Variants in FAM135B observed in about 807,000 individuals in gnomAD.
FAM135B encodes family with sequence similarity 135 member B.
A neutral mutation model predicts 127.7 loss-of-function variants in FAM135B; 43 were observed. The observed-to-expected ratio is 0.34, with a 90% CI of 0.26 to 0.43. FAM135B has a LOEUF of 0.43. Among genes scored for constraint, FAM135B ranks in the 20% least tolerant of loss-of-function variants. The pLI is 1.00. For missense variants in FAM135B, 1,558 were observed against 1,725.6 expected (o/e 0.90, Z 1.72); for synonymous variants, 670 against 665.1 (o/e 1.01, Z -0.11).
intron 1 of FAM135B, among the ~76,000 whole-genome samples, chr8:138,403,966 G>A (rs1833303289): frequency 6.6e-6 from 1 of 152,134 alleles, no homozygotes; most frequent in Non-Finnish European, 1.5e-5. Context: ...GAATAGGGAA[G>A]TACTTGCACA....
chr8:138,352,863 C>T (rs183120758), intron 2 of FAM135B, among the ~76,000 whole-genome samples: 67 of 152,290 alleles, frequency 4.4e-4, no homozygotes, highest in Admixed American at 2.4e-3. Context: ...TCAGAAACTA[C>T]TCATCAATAG....
intron 6 of FAM135B, among the ~76,000 whole-genome samples, chr8:138,246,507 T>C (rs1175999700): frequency 6.6e-6 from 1 of 152,146 alleles, no homozygotes; most frequent in Non-Finnish European, 1.5e-5. Flanking sequence ...CTCTACTTGA[T>C]GTTGAGCCTG....
Position 138,291,474 on chromosome 8 carries a change from A to G in FAM135B, c.157+19367T>C, listed in dbSNP as rs190548839. On this transcript the variant is annotated intron_variant, in intron 3 of 19. Transcript: ENST00000395297. ...CCAGCATTACCTTGATACCAAAACA[A>G]GATAAGGCCATCCAAGAAAAAAATA... Among the ~76,000 whole-genome samples, 656 of 152,314 alleles carry G rather than the reference A, an allele frequency of 4.3e-3. 5 individuals carry two copies. The highest frequency in any genetic ancestry group is 6.9e-3 in the Non-Finnish European group (469 of 68,024).
rs62527850 is a variant in FAM135B at position 138,474,917 on chromosome 8, A to G, written c.-20+21754T>C. On this transcript the variant is annotated intron_variant, in intron 1 of 19. Transcript: ENST00000395297. ...GCAGTAAATGAATAAAGTAATTCAC[A>G]TACTACTAATCCTTAACCACCCGGT... Among the ~76,000 whole-genome samples the G allele has an allele frequency of 3.4e-4, 52 of 152,248 alleles. 1 individual carries two copies. The highest frequency in any genetic ancestry group is 1.2e-3 in the African/African-American group (51 of 41,572).
chr8:138,388,752 T>C (rs1299436693), intron 1 of FAM135B, among the ~76,000 whole-genome samples: 2 of 152,130 alleles, frequency 1.3e-5, no homozygotes, highest in Admixed American at 1.3e-4. Context: ...TAGGAAGCAG[T>C]GAACAGGCAG....
intron 1 of FAM135B, among the ~76,000 whole-genome samples, chr8:138,434,488 G>T (rs1373586793): frequency 3.9e-5 from 6 of 152,158 alleles, no homozygotes. Context: ...TTGGCTTGGG[G>T]TCACACAGCT....
chr8:138,283,546 A>G (rs1824439275), intron 3 of FAM135B, among the ~76,000 whole-genome samples: 2 of 152,142 alleles, frequency 1.3e-5, no homozygotes, highest in Non-Finnish European at 2.9e-5. Context: ...ATGTGTCATT[A>G]CATATTTGTG....
In FAM135B at chr8:138,151,688, G is replaced by A. The variant is rs756694156; in HGVS notation, c.2787C>T (p.Leu929=). The A allele has an allele frequency of 1.9e-6, 3 of 1,614,094 alleles. No homozygotes were observed. Among genetic ancestry groups the A allele is most frequent in the African/African-American group, 2.7e-5 (2 of 74,942 alleles). ...SNSGISEVEG[L]SQHQVPELSC... ...TCAATTCAGGCACCTGATGTTGAGA[G>A]AGACCCTCAACCTCTGAGATGCCAC... is the stretch of plus-strand genomic sequence containing the variant. Residue 929 remains leucine, a synonymous_variant, in exon 13 of 20, where the codon CTC becomes CTT. Coordinates refer to ENST00000395297, the MANE Select transcript of FAM135B (RefSeq NM_015912.4).
At chr8:138,347,902 A>C (rs1829520745) in intron 2 of FAM135B, among the ~76,000 whole-genome samples, 1 of 152,052 alleles carries the variant, frequency 6.6e-6, no homozygotes, top group African/African-American at 2.4e-5. Flanking sequence ...TATAGTCCTG[A>C]TTTCATGAGG....
intron 2 of FAM135B, among the ~76,000 whole-genome samples, chr8:138,364,593 G>A (rs1830627096): frequency 6.6e-6 from 1 of 152,122 alleles, no homozygotes; most frequent in Admixed American, 6.6e-5. Context: ...TTAAGAGCTA[G>A]AAGCTTGTAA....
chr8:138,335,295 G>A (rs187341839), intron 2 of FAM135B, among the ~76,000 whole-genome samples: 2 of 152,120 alleles, frequency 1.3e-5, no homozygotes, highest in Non-Finnish European at 2.9e-5. Flanking sequence ...TACTTAAAAC[G>A]ATTCCTCATT....
intron 3 of FAM135B, among the ~76,000 whole-genome samples, chr8:138,299,349 T>A (rs1825708292): frequency 6.6e-6 from 1 of 152,072 alleles, no homozygotes; most frequent in Non-Finnish European, 1.5e-5. Context: ...AATTCTTAAA[T>A]GAGGAAAGAG....
intron 1 of FAM135B, among the ~76,000 whole-genome samples, chr8:138,443,094 G>A (rs529185466): frequency 1.3e-5 from 2 of 152,206 alleles, no homozygotes; most frequent in African/African-American, 4.8e-5. Flanking sequence ...CTATCTCAAG[G>A]CTGTGTGTTT....
At chr8:138,248,054 T>C (rs909639395) in intron 6 of FAM135B, among the ~76,000 whole-genome samples, 1 of 152,210 alleles carries the variant, frequency 6.6e-6, no homozygotes, top group Non-Finnish European at 1.5e-5. Flanking sequence ...AGGTGAGGGC[T>C]TGGAATATGG....
At position 138,202,556 on chromosome 8, in the gene FAM135B, G is replaced by A. The variant is rs77521360; in HGVS notation, c.670-4887C>T. Among the ~76,000 whole-genome samples, 33 of 152,216 alleles carry A rather than the reference G, an allele frequency of 2.2e-4. No individual in the cohort carries two copies. The East Asian group carries it at 5.4e-3, about 25-fold the overall frequency. On this transcript the variant is annotated intron_variant, in intron 7 of 19. Coordinates refer to ENST00000395297, the MANE Select transcript of FAM135B (RefSeq NM_015912.4). ...CATGAGCCATGCCCAATTAGTCTTC[G>A]TTTTTGCTTTCCCACTTACTACCAA...
intron 7 of FAM135B, among the ~76,000 whole-genome samples, chr8:138,199,887 T>C (rs1427752351): frequency 2.0e-5 from 3 of 152,196 alleles, no homozygotes; most frequent in Admixed American, 1.3e-4. Context: ...GGTTCTTCCC[T>C]TGACACATGG....
intron 9 of FAM135B, among the ~76,000 whole-genome samples, chr8:138,186,638 G>T (rs912227698): frequency 1.3e-5 from 2 of 152,130 alleles, no homozygotes. Flanking sequence ...TCTTCATCCA[G>T]CCACATCCGT....
intron 4 of FAM135B, among the ~76,000 whole-genome samples, chr8:138,258,803 C>CACCACA (rs112481181): frequency 2.7e-5 from 4 of 146,526 alleles, no homozygotes; most frequent in African/African-American, 1.0e-4. Flanking sequence ...GACACACACA[C>CACCACA]CACACACACA....
rs536252277 is a variant in FAM135B at position 138,255,454 on chromosome 8, C to T, written c.368+1235G>A. On this transcript the variant is annotated intron_variant, in intron 5 of 19. Coordinates refer to ENST00000395297, the MANE Select transcript of FAM135B (RefSeq NM_015912.4). The stretch of plus-strand genomic sequence containing the variant: ...GGAGATTGCCCTGTCTCCCCTAGAA[C>T]AGTGGGAATGCAGTTCCTGGTGCTC... Among the ~76,000 whole-genome samples, 102 of 152,282 alleles carry T rather than the reference C, an allele frequency of 6.7e-4. 1 individual carries two copies. The highest frequency in any genetic ancestry group is 2.0e-3 in the African/African-American group (84 of 41,566).
Sources: gnomAD v4.1 joint callset for allele counts (sites outside exome capture counted in the v4.1 genomes callset) on GRCh38, gnomAD v4.1.1 for gene constraint, MANE v1.5 for transcripts, NCBI Gene and HGNC (gene_info 2026-07-23, HGNC 2026-07-21) for gene names.